The following CASD1 variants were observed in gnomAD, a reference collection of about 807,000 sequenced individuals.
The protein encoded by CASD1 is N-acetylneuraminate (7)9-O-acetyltransferase.
CASD1 carries 41 observed loss-of-function variants against 100.0 expected under a neutral mutation model. That is an observed-to-expected ratio of 0.41 (90% CI 0.32 to 0.53). The LOEUF (loss-of-function observed/expected upper bound fraction) is 0.53. Ranked by LOEUF, CASD1 falls within the 20% of genes least tolerant of loss-of-function variation. CASD1 has a pLI of 0.25. For synonymous variants in CASD1, 321 were observed against 315.6 expected (o/e 1.02, Z -0.18); for missense variants, 774 against 948.7 (o/e 0.82, Z 2.42).
chr7:94,591,447 C>G, the CASD1 span, among the ~76,000 whole-genome samples: 1 of 152,142 alleles, frequency 6.6e-6, no homozygotes, highest in Non-Finnish European at 1.5e-5. Context: ...AGCCTGTCAG[C>G]AGATTGAATC....
intron 3 of CASD1, among the ~76,000 whole-genome samples, chr7:94,525,950 C>T (rs957902493): frequency 1.3e-5 from 2 of 152,190 alleles, no homozygotes; most frequent in South Asian, 2.1e-4. Flanking sequence ...TTCCCACCTA[C>T]GATTTCTATT....
rs1161011482 is a variant in CASD1, at chr7:94,556,732, G to C, written c.*974G>C. 6.6e-6 allele frequency: 1 copy of C among 151,914 alleles called. No individual in the cohort carries two copies. The highest frequency in any genetic ancestry group is 2.4e-5 in the African/African-American group (1 of 41,398). The allele number at this position is 151,914 out of a possible 1,614,324, so 9.4% of individuals were successfully genotyped here. On this transcript the variant is annotated 3_prime_UTR_variant, in exon 18 of 18. Transcript: ENST00000297273. ...TGTATTACCATAAGTAGAATTTTAA[G>C]TAAACTGGTGAATTTGGGCAATAAA...
chr7:94,555,827 C>T lies in CASD1; in HGVS notation c.*69C>T, dbSNP rs927490340. On this transcript the variant is annotated 3_prime_UTR_variant, in exon 18 of 18. Transcript: ENST00000297273. ...GTGTGTCTCTAGAAGAGAAAAGCAT[C>T]TATCTGGAGATATAAATGTGTATGT... The T allele has an allele frequency of 6.9e-7, 1 of 1,441,034 alleles. No homozygotes were observed. The highest frequency in any genetic ancestry group is 1.4e-5 in the African/African-American group (1 of 70,268). The allele number at this position is 1,441,034 out of a possible 1,614,324, so 89.3% of individuals were successfully genotyped here.
At chr7:94,628,135 A>AAC in the CASD1 span, 26 of 1,043,216 alleles carry the variant, frequency 2.5e-5, no homozygotes, top group African/African-American at 6.9e-5. Flanking sequence ...CTCAAATTAC[A>AAC]ATACACACAC....
chr7:94,539,076 G>A lies in CASD1; in HGVS notation c.1356+20G>A. The A allele has an allele frequency of 2.1e-6, 3 of 1,437,166 alleles. No individual in the cohort carries two copies. The highest frequency in any genetic ancestry group is 1.8e-4 in the Middle Eastern group (1 of 5,640). The allele number at this position is 1,437,166 out of a possible 1,614,324, so 89.0% of individuals were successfully genotyped here. A position where few individuals can be genotyped will look rare whatever the true frequency, so the allele number is the denominator to read the frequency against. On this transcript the variant is annotated intron_variant, in intron 10 of 17. Transcript: ENST00000297273. Reference sequence around the variant, plus strand: ...AGTACAGTAAGTATTTGGAATTTAAGTTCAGAAAGTATAGGAAGTGATGTC... The same window carrying A: ...AGTACAGTAAGTATTTGGAATTTAAATTCAGAAAGTATAGGAAGTGATGTC...
the CASD1 span, among the ~76,000 whole-genome samples, chr7:94,614,107 CAAAAAA>C: frequency 1.3e-4 from 12 of 94,932 alleles, no homozygotes; most frequent in South Asian, 3.9e-4. Flanking sequence ...AAATTGAAAT[CAAAAAA>C]AAAAAAAAAA....
the CASD1 span, chr7:94,600,025 T>C: frequency 3.5e-6 from 1 of 285,084 alleles, no homozygotes; most frequent in Non-Finnish European, 6.5e-6. Context: ...AAGAATTTGT[T>C]ACTTGCTGCT....
At chr7:94,517,708 T>A in intron 2 of CASD1, 52 bp downstream of exon 2, 1 of 1,083,538 alleles carries the variant, frequency 9.2e-7, no homozygotes, top group Non-Finnish European at 1.4e-6. Context: ...TCTTAATATG[T>A]AGTGGAGAGG....
downstream of CASD1, among the ~76,000 whole-genome samples, chr7:94,557,235 CTTA>C (rs1371852392): frequency 6.6e-6 from 1 of 151,952 alleles, no homozygotes; most frequent in South Asian, 2.1e-4. Context: ...TAAAAATGTA[CTTA>C]TTATTTATTT....
At chr7:94,615,426 A>G in the CASD1 span, among the ~76,000 whole-genome samples, 2 of 136,016 alleles carry the variant, frequency 1.5e-5, no homozygotes, top group Non-Finnish European at 3.5e-5. Context: ...AGATAGATAA[A>G]GGGCAATTCT....
intron 14 of CASD1, 54 bp from the exon 15 acceptor site, chr7:94,551,284 C>T: frequency 7.2e-7 from 1 of 1,398,522 alleles, no homozygotes; most frequent in Non-Finnish European, 9.6e-7. Context: ...AAATATTTTT[C>T]CTGTTTTTTG....
intron 5 of CASD1, among the ~76,000 whole-genome samples, chr7:94,531,446 T>G (rs762621892): frequency 6.6e-6 from 1 of 152,106 alleles, no homozygotes; most frequent in Non-Finnish European, 1.5e-5. Context: ...CTATGAAGTT[T>G]GAGAATTAAA....
chr7:94,551,416 G>C lies in CASD1; in HGVS notation c.1894G>C (p.Glu632Gln). The change falls in exon 15 of 18, where the codon GAA becomes CAA. Residue 632 changes from glutamate to glutamine, a missense_variant. Around this residue, in one of 5 missense-constraint regions of CASD1, gnomAD observed 175 missense variants for 206.9 expected, o/e 0.85. Transcript: ENST00000297273. ...KRQILSEGKG[E>Q]PLFSNKISNF... ...TCAAATACTTTCTGAAGGAAAGGGT[G>C]AACCTCTTTTTTCAAACAAAATTTC... The C allele has an allele frequency of 6.5e-7, 1 of 1,540,270 alleles. No homozygotes were observed. Among genetic ancestry groups the C allele is most frequent in the Non-Finnish European group, 8.7e-7 (1 of 1,150,946 alleles).
At chr7:94,622,190 C>T in the CASD1 span, 2 of 152,114 alleles carry the variant, frequency 1.3e-5, no homozygotes, top group African/African-American at 4.8e-5. Context: ...TTTAGTTGCA[C>T]TAGTAAATAG....
the CASD1 span, among the ~76,000 whole-genome samples, chr7:94,631,188 C>T: frequency 1.3e-5 from 2 of 151,964 alleles, no homozygotes; most frequent in Non-Finnish European, 2.9e-5. Context: ...GTGGCATTTA[C>T]AGTACCCAAC....
chr7:94,596,055 AT>A, the CASD1 span, among the ~76,000 whole-genome samples: 1 of 152,116 alleles, frequency 6.6e-6, no homozygotes. Flanking sequence ...AGAAATCTGA[AT>A]AATGTGAAGG....
the CASD1 span, chr7:94,585,295 T>C: frequency 1.8e-5 from 9 of 496,362 alleles, no homozygotes; most frequent in African/African-American, 1.5e-4. Flanking sequence ...ATCAATGTTT[T>C]ACAAATTGTC....
chr7:94,548,563 T>C (rs542626737), intron 13 of CASD1, among the ~76,000 whole-genome samples: 14 of 151,986 alleles, frequency 9.2e-5, no homozygotes, highest in Middle Eastern at 3.4e-3. Context: ...ATTTTTAATA[T>C]GCTATGTGCA....
chr7:94,602,043 A>T, the CASD1 span, among the ~76,000 whole-genome samples: 1 of 152,134 alleles, frequency 6.6e-6, no homozygotes, highest in Non-Finnish European at 1.5e-5. Context: ...CAAGGAGTAT[A>T]TCATTTTTTA....
Sources: gnomAD v4.1 joint callset for allele counts (sites outside exome capture counted in the v4.1 genomes callset) on GRCh38, gnomAD v4.1.1 for gene constraint, gnomAD v4.1.1 regional missense constraint, MANE v1.5 for transcripts, NCBI Gene and HGNC (gene_info 2026-07-23, HGNC 2026-07-21) for gene names.